Variants in HPSE2 observed in about 807,000 individuals in gnomAD.
The protein encoded by HPSE2 is heparanase 2 (inactive).
In HPSE2, 38 loss-of-function variants were observed where a neutral mutation model predicts 60.5. That is an observed-to-expected ratio of 0.63 (90% CI 0.48 to 0.82). The LOEUF is 0.82. Among genes scored for constraint, HPSE2 ranks in the 40% least tolerant of loss-of-function variants. HPSE2 has a pLI of 0.00. For synonymous variants in HPSE2, 295 were observed against 293.2 expected (o/e 1.01, Z -0.06); for missense variants, 713 against 740.4 (o/e 0.96, Z 0.43).
chr10:98,589,237 C>T (rs919886331), intron 9 of HPSE2, among the ~76,000 whole-genome samples: 4 of 152,202 alleles, frequency 2.6e-5, no homozygotes, highest in African/African-American at 9.7e-5. Context: ...GTAGTCATAA[C>T]ATCCGAGGGC....
intron 2 of HPSE2, among the ~76,000 whole-genome samples, chr10:99,147,489 T>C (rs1326999724): frequency 1.3e-5 from 2 of 152,240 alleles, no homozygotes; most frequent in African/African-American, 4.8e-5. Context: ...CCCTATTTCC[T>C]ATCTAATAAA....
At chr10:98,578,029 C>T (rs1050773093) in intron 9 of HPSE2, among the ~76,000 whole-genome samples, 2 of 152,162 alleles carry the variant, frequency 1.3e-5, no homozygotes, top group Admixed American at 1.3e-4. Flanking sequence ...CTGTCCTTGA[C>T]ATTTCTTCTT....
intron 3 of HPSE2, among the ~76,000 whole-genome samples, chr10:98,788,066 C>G (rs200426235): frequency 7.4e-5 from 1 of 13,498 alleles, no homozygotes; most frequent in East Asian, 1.2e-3. Flanking sequence ...TTTTCCCCAT[C>G]TTTGTGGTTT....
the HPSE2 span, among the ~76,000 whole-genome samples, chr10:99,295,440 T>C: frequency 6.6e-6 from 1 of 152,208 alleles, no homozygotes; most frequent in Non-Finnish European, 1.5e-5. Flanking sequence ...GAAATGCTTA[T>C]GTTGTAATGT....
rs753680854 is a variant in HPSE2 at position 98,606,873 on chromosome 10, G to A, written c.1320+8031C>T. 2.8e-3 allele frequency among the ~76,000 whole-genome samples: 433 copies of A among 152,138 alleles called. 2 individuals carry two copies. Among genetic ancestry groups the A allele is most frequent in the Non-Finnish European group, 4.3e-3 (291 of 67,986 alleles). On this transcript the variant is annotated intron_variant, in intron 9 of 11. Transcript: ENST00000370552. The stretch of plus-strand genomic sequence containing the variant: ...AACGTATTATCTTGGTTCTATCAGC[G>A]GCTTATTTTTTGGTTCCTACAGGTC...
intron 6 of HPSE2, among the ~76,000 whole-genome samples, chr10:98,644,031 T>A (rs1946703454): frequency 6.6e-6 from 1 of 152,322 alleles, no homozygotes; most frequent in Admixed American, 6.5e-5. Flanking sequence ...ATGTAATTTT[T>A]CAGTAGGTAG....
At chr10:98,619,309 T>C (rs1400965914) in intron 8 of HPSE2, among the ~76,000 whole-genome samples, 3 of 152,178 alleles carry the variant, frequency 2.0e-5, no homozygotes, top group African/African-American at 4.8e-5. Context: ...CCTGAGGGGT[T>C]TGTCCCTGCC....
At chr10:98,609,870 C>T (rs1589503411) in intron 9 of HPSE2, among the ~76,000 whole-genome samples, 2 of 131,588 alleles carry the variant, frequency 1.5e-5, no homozygotes, top group Admixed American at 8.4e-5. Flanking sequence ...GAGACAGAGT[C>T]TCACTCTGTC....
chr10:98,505,462 C>T (rs1237148603), intron 9 of HPSE2, among the ~76,000 whole-genome samples: 1 of 152,134 alleles, frequency 6.6e-6, no homozygotes, highest in Non-Finnish European at 1.5e-5. Context: ...CCAGTTGTTT[C>T]CCAAAGGTGA....
At chr10:98,884,400 C>T (rs1229980237) in intron 3 of HPSE2, among the ~76,000 whole-genome samples, 1 of 152,100 alleles carries the variant, frequency 6.6e-6, no homozygotes, top group Non-Finnish European at 1.5e-5. Context: ...GAAGAAAATG[C>T]CCTCTAGGAC....
intron 3 of HPSE2, among the ~76,000 whole-genome samples, chr10:98,803,092 T>C (rs1218963868): frequency 6.6e-6 from 1 of 151,882 alleles, no homozygotes; most frequent in Non-Finnish European, 1.5e-5. Context: ...CATTTTTTCA[T>C]GTGTTTTTTG....
chr10:98,582,432 A>G (rs1323715707), intron 9 of HPSE2, among the ~76,000 whole-genome samples: 1 of 152,242 alleles, frequency 6.6e-6, no homozygotes, highest in African/African-American at 2.4e-5. Flanking sequence ...ATATTGAGGA[A>G]GGGGATGTTG....
intron 8 of HPSE2, among the ~76,000 whole-genome samples, chr10:98,617,855 A>C (rs1945957631): frequency 6.6e-6 from 1 of 152,216 alleles, no homozygotes; most frequent in Non-Finnish European, 1.5e-5. Flanking sequence ...TCAAAGCCCT[A>C]GCTGGGAAAC....
intron 3 of HPSE2, among the ~76,000 whole-genome samples, chr10:98,943,271 T>C (rs939037331): frequency 6.6e-6 from 1 of 151,306 alleles, no homozygotes; most frequent in Non-Finnish European, 1.5e-5. Flanking sequence ...AATAAATAAA[T>C]AAAAATAAAA....
chr10:98,998,386 C>T (rs972141220), intron 3 of HPSE2, among the ~76,000 whole-genome samples: 1 of 152,160 alleles, frequency 6.6e-6, no homozygotes, highest in African/African-American at 2.4e-5. Context: ...CAACTAGTTT[C>T]ATTAATCCTA....
the HPSE2 span, among the ~76,000 whole-genome samples, chr10:99,296,569 C>T: frequency 6.6e-6 from 1 of 152,194 alleles, no homozygotes; most frequent in African/African-American, 2.4e-5. Context: ...AGTCACAGAG[C>T]TGTAACACTG....
chr10:99,105,935 G>A (rs941029720), intron 3 of HPSE2, among the ~76,000 whole-genome samples: 3 of 151,812 alleles, frequency 2.0e-5, no homozygotes, highest in Non-Finnish European at 4.4e-5. Context: ...AGCGATTATT[G>A]CAAACTCTTA....
intron 11 of HPSE2, among the ~76,000 whole-genome samples, chr10:98,475,072 T>G (rs1034937812): frequency 6.6e-6 from 1 of 152,106 alleles, no homozygotes; most frequent in African/African-American, 2.4e-5. Flanking sequence ...CCCCCTAATT[T>G]GTCTACTTGG....
At chr10:98,644,541 A>G (rs76897760) in intron 6 of HPSE2, among the ~76,000 whole-genome samples, 5,271 of 152,348 alleles carry the variant, frequency 0.035, 150 homozygotes, top group East Asian at 0.11. Context: ...CTTACTGGTC[A>G]GCTGGCCTAA....
Sources: allele counts gnomAD v4.1 joint callset (sites outside exome capture counted in the v4.1 genomes callset), GRCh38; gene constraint gnomAD v4.1.1; transcripts MANE v1.5; gene names NCBI Gene and HGNC (gene_info 2026-07-23, HGNC 2026-07-21).